The following MARCHF2 variants were observed in gnomAD, a reference collection of about 807,000 sequenced individuals.
MARCHF2 encodes membrane associated ring-CH-type finger 2, also known as E3 ubiquitin-protein ligase MARCHF2.
Under a neutral mutation model 24.0 loss-of-function variants are expected in MARCHF2, and 22 were observed. That is an observed-to-expected ratio of 0.92 (90% confidence interval 0.66 to 1.31). The LOEUF (loss-of-function observed/expected upper bound fraction) is 1.31, where lower values mean the gene tolerates loss of function less well. Ranked by LOEUF, MARCHF2 falls within the 50% of genes most tolerant of loss-of-function variation. The pLI is 0.00. For synonymous variants in MARCHF2, 154 were observed against 153.0 expected (o/e 1.01, Z -0.05); for missense variants, 301 against 335.3 (o/e 0.90, Z 0.80).
Position 8,421,809 on chromosome 19 carries a change from C to T in MARCHF2, c.-32C>T. On this transcript the variant is annotated 5_prime_UTR_variant, in exon 2 of 5. Transcript: ENST00000215555. ...CCCAGGCTCCTGGAACCATGGGCCTCAGGCCCTGAGGATACGGGGCTCCCG... is the reference window on the plus strand; with the variant it reads ...CCCAGGCTCCTGGAACCATGGGCCTTAGGCCCTGAGGATACGGGGCTCCCG... 2 of 1,571,530 alleles carry T rather than the reference C, an allele frequency of 1.3e-6. No individual in the cohort carries two copies. The highest frequency in any genetic ancestry group is 1.2e-5 in the South Asian group (1 of 85,290).
At chr19:8,416,871 C>G (rs374364440) in intron 1 of MARCHF2, among the ~76,000 whole-genome samples, 5 of 152,102 alleles carry the variant, frequency 3.3e-5, no homozygotes, top group African/African-American at 1.2e-4. Context: ...AGGCCCCAGA[C>G]AGCATTGTCG....
chr19:8,433,642 C>T (rs1277292388), intron 4 of MARCHF2, among the ~76,000 whole-genome samples: 1 of 143,688 alleles, frequency 7.0e-6, no homozygotes, highest in Non-Finnish European at 1.5e-5. Context: ...CACCATTGCA[C>T]TCCAACCTGG....
intron 3 of MARCHF2, among the ~76,000 whole-genome samples, chr19:8,428,259 CA>C (rs956781815): frequency 2.4e-4 from 33 of 140,136 alleles, no homozygotes; most frequent in South Asian, 2.3e-4. Context: ...GACTCCATCT[CA>C]AAAAAAAAAA....
chr19:8,434,415 G>A (rs1217664065), intron 4 of MARCHF2, among the ~76,000 whole-genome samples: 13 of 151,542 alleles, frequency 8.6e-5, no homozygotes, highest in Non-Finnish European at 1.9e-4. Context: ...ATGTAAATAG[G>A]ATGAAATCAT....
chr19:8,414,435 A>ATT (rs1437832633), intron 1 of MARCHF2, among the ~76,000 whole-genome samples: 1 of 151,934 alleles, frequency 6.6e-6, no homozygotes, highest in East Asian at 1.9e-4. Context: ...TGCCTGGCCA[A>ATT]TTTTTGTCTT....
intron 4 of MARCHF2, among the ~76,000 whole-genome samples, chr19:8,434,531 G>C (rs913167581): frequency 6.6e-6 from 1 of 151,426 alleles, no homozygotes; most frequent in South Asian, 2.1e-4. Flanking sequence ...CATTGTATGG[G>C]TGGACCATAT....
chr19:8,425,007 A>T (rs190189753), intron 2 of MARCHF2, among the ~76,000 whole-genome samples: 29 of 152,216 alleles, frequency 1.9e-4, no homozygotes, highest in Admixed American at 4.6e-4. Flanking sequence ...TCCTGGGCAC[A>T]TGTGATCCTC....
At chr19:8,423,985 C>CAAAA (rs142383974) in intron 2 of MARCHF2, among the ~76,000 whole-genome samples, 3 of 104,924 alleles carry the variant, frequency 2.9e-5, no homozygotes, top group African/African-American at 4.3e-5. Context: ...CTGGGTGACT[C>CAAAA]AAAAAAAAAA....
intron 2 of MARCHF2, among the ~76,000 whole-genome samples, chr19:8,422,290 G>A (rs1179304323): frequency 6.6e-6 from 1 of 152,126 alleles, no homozygotes; most frequent in Admixed American, 6.6e-5. Flanking sequence ...CAGTATAGGG[G>A]GCGGTCAGGA....
chr19:8,426,423 C>T (rs867608351), intron 2 of MARCHF2, among the ~76,000 whole-genome samples, 186 bp from the exon 3 acceptor site: 5 of 151,832 alleles, frequency 3.3e-5, no homozygotes, highest in Middle Eastern at 3.4e-3. Flanking sequence ...GGGAAGGCTT[C>T]GCAAGGTTAC....
chr19:8,437,656 CACCTATTGAGTG>C (rs975938012), intron 4 of MARCHF2, among the ~76,000 whole-genome samples: 13 of 150,974 alleles, frequency 8.6e-5, no homozygotes, highest in Non-Finnish European at 1.6e-4. Flanking sequence ...TGGCCTCATT[CACCTATTGAGTG>C]ACTTTTTTTT....
intron 2 of MARCHF2, among the ~76,000 whole-genome samples, chr19:8,425,729 G>T (rs1184856011): frequency 6.6e-6 from 1 of 151,314 alleles, no homozygotes; most frequent in Non-Finnish European, 1.5e-5. Flanking sequence ...TGATACTCCT[G>T]CCTCAGCCTC....
chr19:8,439,002 C>T lies in MARCHF2; in HGVS notation c.*456C>T. On this transcript the variant is annotated 3_prime_UTR_variant, in exon 5 of 5. Transcript: ENST00000215555. ...CCCACCCCTGAATGAATAAAAGGAG[C>T]CCTGGCTGGACAAAATGGACTTGTC... The T allele has an allele frequency of 6.5e-6, 1 of 154,576 alleles. No homozygotes were observed. Among genetic ancestry groups the T allele is most frequent in the Admixed American group, 6.4e-5 (1 of 15,602 alleles). The allele number at this position is 154,576 out of a possible 1,614,324, so 9.6% of individuals were successfully genotyped here.
chr19:8,417,052 T>C (rs1442561391), intron 1 of MARCHF2, among the ~76,000 whole-genome samples: 6 of 152,192 alleles, frequency 3.9e-5, no homozygotes, highest in Non-Finnish European at 8.8e-5. Flanking sequence ...TTAAGAGATT[T>C]ACCTGTGGTT....
In MARCHF2 at chr19:8,437,767, C is replaced by T. The variant is rs564792020; in HGVS notation, c.583-621C>T. 9.3e-5 allele frequency among the ~76,000 whole-genome samples: 14 copies of T among 149,776 alleles called. 1 individual carries two copies. In the South Asian group the frequency reaches 1.9e-3, roughly 20 times the overall value. On this transcript the variant is annotated intron_variant, in intron 4 of 4. Transcript: ENST00000215555. ...TTACATTAAAAAAATTTTTTTGAGA[C>T]AGGGTCTCACTCTGTCGCCCAGGCT... is the stretch of plus-strand genomic sequence containing the variant.
intron 4 of MARCHF2, among the ~76,000 whole-genome samples, chr19:8,431,626 C>T (rs1967589170): frequency 6.6e-6 from 1 of 151,838 alleles, no homozygotes; most frequent in Non-Finnish European, 1.5e-5. Flanking sequence ...CATCTGAGCC[C>T]AGGAGTTCAA....
chr19:8,425,315 G>A (rs1239899505), intron 2 of MARCHF2, among the ~76,000 whole-genome samples: 1 of 151,524 alleles, frequency 6.6e-6, no homozygotes, highest in East Asian at 1.9e-4. Context: ...CAGGATAATC[G>A]CTTGAACCTG....
chr19:8,421,914 T>C lies in MARCHF2; in HGVS notation c.74T>C (p.Val25Ala). 2 of 1,613,840 alleles carry C rather than the reference T, an allele frequency of 1.2e-6. No individual in the cohort carries two copies. The highest frequency in any genetic ancestry group is 2.2e-5 in the South Asian group (2 of 91,016). ...DCSGSPAFSK[V>A]VEATGLGPPQ... ...TCCGGCAGCCCTGCCTTCTCCAAGG[T>C]CGTGGAGGCTACGGGCCTCGGACCG... Residue 25 changes from valine to alanine, a missense_variant, in exon 2 of 5, where the codon GTC becomes GCC. Physicochemically the swap from Val to Ala is moderately conservative, Grantham distance 64. Transcript: ENST00000215555.
chr19:8,421,382 C>CTTTTTTTTTTTTTTTTTTTTTTTT (rs1254772289), intron 1 of MARCHF2, among the ~76,000 whole-genome samples: 2 of 111,622 alleles, frequency 1.8e-5, no homozygotes, highest in Non-Finnish European at 1.8e-5. Context: ...TCTTTCTTTT[C>CTTTTTTTTTTTTTTTTTTTTTTTT]TTTTTTTTTT....
Sources: gnomAD v4.1 joint callset for allele counts (sites outside exome capture counted in the v4.1 genomes callset) on GRCh38, gnomAD v4.1.1 for gene constraint, MANE v1.5 for transcripts, NCBI Gene and HGNC (gene_info 2026-07-23, HGNC 2026-07-21) for gene names.